The following TGM5 variants were observed in gnomAD, a reference collection of about 807,000 sequenced individuals.
The protein encoded by TGM5 is transglutaminase 5.
Under a neutral mutation model 77.2 loss-of-function variants are expected in TGM5, and 69 were observed. The ratio of observed to expected loss-of-function variants is 0.89; its 90% CI spans 0.74 to 1.09. TGM5 has a LOEUF of 1.09. TGM5 is among the 50% of genes least tolerant of loss of function. The probability of loss-of-function intolerance (pLI) is 0.00; values close to 1 mark genes in which losing one functional copy is unlikely to be tolerated. For synonymous variants in TGM5, 346 were observed against 351.8 expected (o/e 0.98, Z 0.18); for missense variants, 842 against 896.5 (o/e 0.94, Z 0.78).
At position 43,233,587 on chromosome 15, in the gene TGM5, C is replaced by G. The variant is rs752485097; in HGVS notation, c.1976G>C (p.Gly659Ala). Reference sequence around the variant, plus strand: ...CTGCTGTTTCTTGAAGAGGCCACTTCCTTCCACAGTCAGCACACAGTCCTC... The same window carrying G: ...CTGCTGTTTCTTGAAGAGGCCACTTGCTTCCACAGTCAGCACACAGTCCTC... ...QVEDCVLTVE[G>A]SGLFKKQQKV... The change falls in exon 12 of 13, where the codon GGA (glycine) becomes GCA (alanine). Residue 659 changes from glycine (G) to alanine (A), a missense_variant. By Grantham distance (60) the Gly-to-Ala change is moderately conservative. Around this residue, in one of 2 missense-constraint regions of TGM5, gnomAD observed 815 missense variants for 844.6 expected, o/e 0.96. Coordinates refer to ENST00000220420, the MANE Select transcript of TGM5 (RefSeq NM_201631.4). 6.2e-7 allele frequency: 1 copy of G among 1,614,212 alleles called. No homozygotes were observed. The highest frequency in any genetic ancestry group is 8.5e-7 in the Non-Finnish European group (1 of 1,180,044).
chr15:43,260,669 T>C (rs2042779385), intron 1 of TGM5, 90 bp from the exon 2 acceptor site: 1 of 1,408,156 alleles, frequency 7.1e-7, no homozygotes, highest in African/African-American at 1.4e-5. Context: ...CTTGAGAAAG[T>C]AACTTAGCTT....
intron 6 of TGM5, among the ~76,000 whole-genome samples, chr15:43,242,209 C>T (rs1474198207): frequency 6.6e-6 from 1 of 152,204 alleles, no homozygotes; most frequent in Non-Finnish European, 1.5e-5. Context: ...AGAGGCAGAG[C>T]TACCACTAAA....
chr15:43,252,232 T>C (rs1412937970), intron 6 of TGM5, among the ~76,000 whole-genome samples: 1 of 152,272 alleles, frequency 6.6e-6, no homozygotes, highest in Non-Finnish European at 1.5e-5. Flanking sequence ...TCAGGCGTCC[T>C]GGGACGTGTG....
chr15:43,244,997 A>T (rs2042661143), intron 6 of TGM5, among the ~76,000 whole-genome samples: 1 of 152,074 alleles, frequency 6.6e-6, no homozygotes, highest in South Asian at 2.1e-4. Context: ...TGAGCTCAGG[A>T]GGTTGAGGCT....
chr15:43,244,637 G>C (rs1596444732), intron 6 of TGM5, among the ~76,000 whole-genome samples: 4 of 152,232 alleles, frequency 2.6e-5, no homozygotes, highest in African/African-American at 9.6e-5. Context: ...CAGCCATTTA[G>C]TAGTCATTCA....
chr15:43,266,683 A>G (rs761742334), intron 1 of TGM5, among the ~76,000 whole-genome samples, 157 bp downstream of exon 1: 9 of 152,188 alleles, frequency 5.9e-5, no homozygotes, highest in Non-Finnish European at 1.3e-4. Context: ...TCAAGCCACC[A>G]ATGAATACTG....
intron 1 of TGM5, 133 bp from the exon 2 acceptor site, chr15:43,260,712 C>G (rs754585185): frequency 5.8e-5 from 54 of 936,314 alleles, no homozygotes; most frequent in Non-Finnish European, 8.9e-5. Context: ...AAAATAGAGT[C>G]CATAAGATCA....
In TGM5 at chr15:43,232,955, A is replaced by G. The variant is rs2042556932; in HGVS notation, c.*236T>C. 1 of 561,412 alleles carries G rather than the reference A, an allele frequency of 1.8e-6. No individual in the cohort carries two copies. The highest frequency in any genetic ancestry group is 3.1e-5 in the East Asian group (1 of 32,148). 34.8% of individuals were successfully genotyped at this position (561,412 alleles called of 1,614,324 possible). On this transcript the variant is annotated 3_prime_UTR_variant, in exon 13 of 13. Transcript: ENST00000220420. ...AAAATATTTGTTGAGTGCCTAGCAT[A>G]TGCCAGAAATGGTTCTGAGTATAGG...
Position 43,239,250 on chromosome 15 carries a change from T to G in TGM5, c.1018A>C (p.Asn340His), listed in dbSNP as rs554627092. 1.2e-6 allele frequency: 2 copies of G among 1,614,190 alleles called. No individual in the cohort carries two copies. The highest frequency in any genetic ancestry group is 4.5e-5 in the East Asian group (2 of 44,874). ...TCCTTCCGGGCCATCCAGCACTCAT[T>G]CCAGACATGGAAGTTCCTGTGTCAA... is the stretch of plus-strand genomic sequence containing the variant. ...KDTIWNFHVWNECWMARKDLP... is the reference protein window; with the variant it reads ...KDTIWNFHVWHECWMARKDLP... The change falls in exon 8 of 13, where the codon AAT (asparagine) becomes CAT (histidine). Residue 340 changes from asparagine to histidine, a missense_variant. Physicochemically the swap from Asn to His is moderately conservative, Grantham distance 68. Around this residue, in one of 2 missense-constraint regions of TGM5, gnomAD observed 815 missense variants for 844.6 expected, o/e 0.96. Transcript: ENST00000220420.
chr15:43,255,862 G>A (rs1398896636), intron 4 of TGM5, among the ~76,000 whole-genome samples: 2 of 152,160 alleles, frequency 1.3e-5, no homozygotes, highest in Non-Finnish European at 2.9e-5. Context: ...TTAATATGAC[G>A]TTATTTTTAC....
In TGM5 at chr15:43,233,349, A is replaced by G. The variant is rs759775975; in HGVS notation, c.2010-5T>C. 6.2e-7 allele frequency: 1 copy of G among 1,613,574 alleles called. No individual in the cohort carries two copies. ...TGGGGTTTGAGGACTCCAAGGCTGC[A>G]ACAGAGAATGGAGCATGTCAGAAAA... On this transcript the variant is annotated splice_region_variant and splice_polypyrimidine_tract_variant and intron_variant, in intron 12 of 12. Coordinates refer to ENST00000220420, the MANE Select transcript of TGM5 (RefSeq NM_201631.4).
chr15:43,235,017 G>T, intron 10 of TGM5, 88 bp from the exon 11 acceptor site: 1 of 1,515,002 alleles, frequency 6.6e-7, no homozygotes, highest in South Asian at 1.1e-5. Context: ...CCACAGAGAA[G>T]AGAAAGTCAA....
chr15:43,254,346 G>A (rs946009781), intron 4 of TGM5, among the ~76,000 whole-genome samples: 1 of 152,174 alleles, frequency 6.6e-6, no homozygotes, highest in Non-Finnish European at 1.5e-5. Flanking sequence ...TCACAACTCT[G>A]GACCTTAGGC....
intron 1 of TGM5, among the ~76,000 whole-genome samples, chr15:43,260,944 C>G (rs993880914): frequency 6.6e-6 from 1 of 152,088 alleles, no homozygotes; most frequent in Admixed American, 6.5e-5. Flanking sequence ...CCCCAGCATC[C>G]GCTTTCTTGG....
chr15:43,255,393 T>G lies in TGM5; in HGVS notation c.555+1175A>C, dbSNP rs909081260. On this transcript the variant is annotated intron_variant, in intron 4 of 12. Transcript: ENST00000220420. ...AGACAGAAACAGAGGGACCCAGGTCTGAGAAAGCAGCAACCCCTCTCTTCT... is the reference window on the plus strand; with the variant it reads ...AGACAGAAACAGAGGGACCCAGGTCGGAGAAAGCAGCAACCCCTCTCTTCT... 3.3e-5 allele frequency among the ~76,000 whole-genome samples: 5 copies of G among 152,204 alleles called. No homozygotes were observed. In the South Asian group the frequency reaches 8.3e-4, roughly 25 times the overall value.
At chr15:43,252,541 C>T (rs1317644217) in intron 6 of TGM5, among the ~76,000 whole-genome samples, 1 of 152,148 alleles carries the variant, frequency 6.6e-6, no homozygotes, top group Admixed American at 6.5e-5. Context: ...TGGTCTTGAA[C>T]TCCTGACCTT....
chr15:43,239,074 A>C lies in TGM5; in HGVS notation c.1106-18T>G. The C allele has an allele frequency of 6.2e-7, 1 of 1,613,540 alleles. No individual in the cohort carries two copies. The highest frequency in any genetic ancestry group is 8.5e-7 in the Non-Finnish European group (1 of 1,179,912). ...GTAGACGCCTGAAGGAGAACAGGGG[A>C]GCCTCGGTGGGCTGTTTGTTGCAGG... is the stretch of plus-strand genomic sequence containing the variant. On this transcript the variant is annotated intron_variant, in intron 8 of 12. Coordinates refer to ENST00000220420, the MANE Select transcript of TGM5 (RefSeq NM_201631.4).
At chr15:43,266,814 C>T in intron 1 of TGM5, 26 bp downstream of exon 1, 2 of 1,614,152 alleles carry the variant, frequency 1.2e-6, no homozygotes, top group Non-Finnish European at 1.7e-6. Flanking sequence ...TCCCTGAACT[C>T]CAGTGGCCAC....
In TGM5 at chr15:43,260,159, G is replaced by T. The variant is rs776412511; in HGVS notation, c.329C>A (p.Ala110Glu). ...TTTCAAGAGGTACCGACCCACGGCC[G>T]CCGTGGGAGGAGCGCACAAGCTCAC... is the stretch of plus-strand genomic sequence containing the variant. Reference protein sequence around the residue: ...TEVSLCAPPTAAVGRYLLKIH... With the variant: ...TEVSLCAPPTEAVGRYLLKIH... The change falls in exon 3 of 13, where the codon GCG becomes GAG. Residue 110 changes from alanine (A) to glutamate (E), a missense_variant. Physicochemically the swap from Ala to Glu is moderately radical, Grantham distance 107. Around this residue, in one of 2 missense-constraint regions of TGM5, gnomAD observed 815 missense variants for 844.6 expected, o/e 0.96. Transcript: ENST00000220420. 1 of 1,614,134 alleles carries T rather than the reference G, an allele frequency of 6.2e-7. No individual in the cohort carries two copies. Among genetic ancestry groups the T allele is most frequent in the Non-Finnish European group, 8.5e-7 (1 of 1,180,026 alleles).
Sources: gnomAD v4.1 joint callset for allele counts (sites outside exome capture counted in the v4.1 genomes callset) on GRCh38, gnomAD v4.1.1 for gene constraint, gnomAD v4.1.1 regional missense constraint, MANE v1.5 for transcripts, NCBI Gene and HGNC (gene_info 2026-07-23, HGNC 2026-07-21) for gene names.